The following IKZF4 variants were observed in gnomAD, a reference collection of about 807,000 sequenced individuals.
IKZF4 encodes the protein zinc finger protein Eos.
A neutral mutation model predicts 47.7 loss-of-function variants in IKZF4; 11 were observed. The observed-to-expected ratio is 0.23, with a 90% CI of 0.15 to 0.38. The LOEUF (loss-of-function observed/expected upper bound fraction) is 0.38, where lower values mean the gene tolerates loss of function less well. Among genes scored for constraint, IKZF4 ranks in the 10% least tolerant of loss-of-function variants. The pLI, the probability that IKZF4 is intolerant of heterozygous loss-of-function variation, is 1.00. For synonymous variants in IKZF4, 298 were observed against 299.4 expected (o/e 1.00, Z 0.05); for missense variants, 557 against 784.9 (o/e 0.71, Z 3.47).
chr12:56,019,607 G>C (rs901539686), upstream of IKZF4, among the ~76,000 whole-genome samples: 1 of 152,184 alleles, frequency 6.6e-6, no homozygotes, highest in African/African-American at 2.4e-5. Flanking sequence ...CTCCTGCTCA[G>C]TTAAGCCTAT....
Position 56,007,887 on chromosome 12 carries a change from G to C in IKZF4, c.-292+153G>C, listed in dbSNP as rs746616289. On this transcript the variant is annotated intron_variant, in intron 1 of 11. Coordinates refer to the IKZF4 transcript ENST00000262032. ...GAGGGTCGCGGGTTGGGCTGGGGCC[G>C]GAGGGTTGGAAGATGGCCGGGGGAG... Among the ~76,000 whole-genome samples, 338 of 152,258 alleles carry C rather than the reference G, an allele frequency of 2.2e-3. 2 individuals carry two copies. Among genetic ancestry groups the C allele is most frequent in the Non-Finnish European group, 3.6e-3 (246 of 68,014 alleles).
chr12:56,034,714 C>T lies in IKZF4; in HGVS notation c.1141C>T (p.Leu381=), dbSNP rs1895454770. 2 of 1,613,942 alleles carry T rather than the reference C, an allele frequency of 1.2e-6. No individual in the cohort carries two copies. Among genetic ancestry groups the T allele is most frequent in the Admixed American group, 1.7e-5 (1 of 60,006 alleles). The change falls in exon 8 of 8, where the codon CTG becomes TTG. Residue 381 remains leucine, a synonymous_variant. Coordinates refer to ENST00000547167, the MANE Select transcript of IKZF4 (RefSeq NM_022465.4). ...SSLAFVGAEH[L]RPLRLPPTNC... is the part of the protein sequence containing the mutation. The stretch of plus-strand genomic sequence containing the variant: ...CCTGGCCTTTGTGGGTGCAGAGCAT[C>T]TGCGTCCCCTCCGCCTTCCACCCAC...
In IKZF4 at chr12:56,025,139, T is replaced by A; in HGVS notation, c.267T>A (p.Ser89=). The change falls in exon 3 of 8, where the codon TCT becomes TCA. Residue 89 remains serine, a synonymous_variant. Coordinates refer to ENST00000547167, the MANE Select transcript of IKZF4 (RefSeq NM_022465.4). ...SVSTPNSQHS[S]PSRSLSANSI... The stretch of plus-strand genomic sequence containing the variant: ...GCACCCCCAACAGCCAGCACTCTTC[T>A]CCTAGCCGCTCACTCAGTGGTAAGT... 1 of 1,596,386 alleles carries A rather than the reference T, an allele frequency of 6.3e-7. No individual in the cohort carries two copies. The highest frequency in any genetic ancestry group is 1.1e-5 in the South Asian group (1 of 88,186).
In IKZF4 at chr12:56,028,006, C is replaced by T. The variant is rs985887002; in HGVS notation, c.715+59C>T. The stretch of plus-strand genomic sequence containing the variant: ...GCTCCAACACACCCAGTATGTAGAG[C>T]TCAGTGACTTCTCTTGTATTTGGGG... On this transcript the variant is annotated intron_variant, in intron 5 of 7. Transcript: ENST00000547167. 46 of 1,467,610 alleles carry T rather than the reference C, an allele frequency of 3.1e-5. No individual in the cohort carries two copies. The African/African-American group carries it at 5.4e-4, about 17-fold the overall frequency. 90.9% of individuals were successfully genotyped at this position (1,467,610 alleles called of 1,614,324 possible).
intron 5 of IKZF4, among the ~76,000 whole-genome samples, chr12:56,029,001 A>G (rs1028476994): frequency 6.6e-6 from 1 of 152,092 alleles, no homozygotes; most frequent in East Asian, 1.9e-4. Flanking sequence ...CACACCTGTC[A>G]TCATCTTCAC....
chr12:56,025,125 A>G lies in IKZF4; in HGVS notation c.253A>G (p.Ser85Gly), dbSNP rs375649036. 6.2e-7 allele frequency: 1 copy of G among 1,603,566 alleles called. No individual in the cohort carries two copies. The highest frequency in any genetic ancestry group is 1.3e-5 in the African/African-American group (1 of 74,494). Reference protein sequence around the residue: ...PVGPSVSTPNSQHSSPSRSLS... With the variant: ...PVGPSVSTPNGQHSSPSRSLS... ...GGGGCCCTCGGTGAGCACCCCCAAC[A>G]GCCAGCACTCTTCTCCTAGCCGCTC... is the stretch of plus-strand genomic sequence containing the variant. The change falls in exon 3 of 8, where the codon AGC becomes GGC. Residue 85 changes from serine to glycine, a missense_variant. Ser to Gly is a moderately conservative substitution (Grantham distance 56). Around this residue, in one of 6 missense-constraint regions of IKZF4, gnomAD observed 112 missense variants for 168.2 expected, o/e 0.67. Transcript: ENST00000547167.
rs760706492 is a variant in IKZF4 at position 56,023,735 on chromosome 12, AT to A, written c.156del (p.Phe52LeufsTer2). On this transcript the variant is annotated frameshift_variant, in exon 2 of 8. Transcript: ENST00000547167. LOFTEE classifies it high-confidence loss of function. The part of the protein sequence containing the change: ...DFLPQAQDSN[H>X]FIMESLFCES... ...TTGCCTCAGGCCCAAGACTCCAACC[AT>A]TTTATAATGGAATCTTTATTTTGTG... 1 of 1,613,764 alleles carries A rather than the reference AT, an allele frequency of 6.2e-7. No individual in the cohort carries two copies. Among genetic ancestry groups the A allele is most frequent in the African/African-American group, 1.3e-5 (1 of 74,918 alleles).
chr12:56,016,357 C>A (rs918400697), upstream of IKZF4, among the ~76,000 whole-genome samples: 1 of 152,034 alleles, frequency 6.6e-6, no homozygotes, highest in Non-Finnish European at 1.5e-5. Context: ...CTTGCTTCTG[C>A]CTCTGCCTCA....
chr12:56,035,473 C>T lies in IKZF4; in HGVS notation c.*142C>T. 4.1e-6 allele frequency: 3 copies of T among 727,364 alleles called. No individual in the cohort carries two copies. The highest frequency in any genetic ancestry group is 3.5e-5 in the African/African-American group (2 of 56,896). The allele number at this position is 727,364 out of a possible 1,614,324, so 45.1% of individuals were successfully genotyped here. ...ACCTCACACCTGACCCTGACCCCTC[C>T]TCACCTATTCTCTTCCTCTATCCTG... On this transcript the variant is annotated 3_prime_UTR_variant, in exon 8 of 8. Transcript: ENST00000547167. This position sits in a 1 kb window ranked among gnomAD's most constrained non-coding sequence, Gnocchi z 6.1.
At position 56,021,227 on chromosome 12, in the gene IKZF4, C is replaced by G; in HGVS notation, c.-267C>G. 2.1e-6 allele frequency: 3 copies of G among 1,445,882 alleles called. No homozygotes were observed. Among genetic ancestry groups the G allele is most frequent in the African/African-American group, 1.4e-5 (1 of 69,908 alleles). The allele number at this position is 1,445,882 out of a possible 1,614,324, so 89.6% of individuals were successfully genotyped here. A position where few individuals can be genotyped will look rare whatever the true frequency, so the allele number is the denominator to read the frequency against. ...ATATACACATATACATTCTCTCCAG[C>G]CCCCTCCCCAAGCACATCCAAGCGT... is the stretch of plus-strand genomic sequence containing the variant. On this transcript the variant is annotated 5_prime_UTR_variant, in exon 1 of 8. Transcript: ENST00000547167.
At chr12:56,030,729 CAAA>C (rs76945999) in intron 5 of IKZF4, among the ~76,000 whole-genome samples, 3 of 98,030 alleles carry the variant, frequency 3.1e-5, no homozygotes, top group Non-Finnish European at 6.5e-5. Flanking sequence ...AACTCCGTCT[CAAA>C]AAAAAAAAAA....
At position 56,033,268 on chromosome 12, in the gene IKZF4, G is replaced by C. The variant is rs779316014; in HGVS notation, c.944G>C (p.Arg315Pro). 8 of 1,613,866 alleles carry C rather than the reference G, an allele frequency of 5.0e-6. No individual in the cohort carries two copies. The highest frequency in any genetic ancestry group is 6.8e-6 in the Non-Finnish European group (8 of 1,179,886). ...SSSERPTFIDRLANSLTKRKR... is the reference protein window; with the variant it reads ...SSSERPTFIDPLANSLTKRKR... ...TCTGAGCGGCCAACTTTCATCGATC[G>C]TCTGGCCAATAGCCTCACCAAACGC... Residue 315 changes from arginine (R) to proline (P), a missense_variant, in exon 7 of 8, where the codon CGT becomes CCT. Transcript: ENST00000547167.
Position 56,021,379 on chromosome 12 carries a change from A to G in IKZF4, c.-115A>G. On this transcript the variant is annotated 5_prime_UTR_variant, in exon 1 of 8. Transcript: ENST00000547167. The stretch of plus-strand genomic sequence containing the variant: ...TGGCTGCAGCCGTGGGCCTCTGCTC[A>G]CCGTGCCGCTGCTGCTGCCTGCGAA... 1.3e-6 allele frequency: 2 copies of G among 1,547,396 alleles called. No homozygotes were observed. The highest frequency in any genetic ancestry group is 1.7e-6 in the Non-Finnish European group (2 of 1,146,690).
Position 56,021,376 on chromosome 12 carries a change from C to T in IKZF4, c.-118C>T, listed in dbSNP as rs751829672. Reference sequence around the variant, plus strand: ...TGCTGGCTGCAGCCGTGGGCCTCTGCTCACCGTGCCGCTGCTGCTGCCTGC... The same window carrying T: ...TGCTGGCTGCAGCCGTGGGCCTCTGTTCACCGTGCCGCTGCTGCTGCCTGC... On this transcript the variant is annotated 5_prime_UTR_variant, in exon 1 of 8. Transcript: ENST00000547167. 4.5e-6 allele frequency: 7 copies of T among 1,548,064 alleles called. No individual in the cohort carries two copies. The highest frequency in any genetic ancestry group is 5.2e-6 in the Non-Finnish European group (6 of 1,146,886).
At position 56,034,965 on chromosome 12, in the gene IKZF4, A is replaced by G; in HGVS notation, c.1392A>G (p.Glu464=). 6.4e-7 allele frequency: 1 copy of G among 1,565,444 alleles called. No homozygotes were observed. Among genetic ancestry groups the G allele is most frequent in the Non-Finnish European group, 8.7e-7 (1 of 1,153,368 alleles). Residue 464 remains glutamate (E), a synonymous_variant, in exon 8 of 8, where the codon GAA becomes GAG. Coordinates refer to ENST00000547167, the MANE Select transcript of IKZF4 (RefSeq NM_022465.4). ...QDSTDTESNH[E]DRVAGVVSLP... is the part of the protein sequence containing the mutation. ...CCACAGACACAGAAAGCAACCACGA[A>G]GATCGGGTTGCGGGGGTGGTATCCC...
Position 56,021,324 on chromosome 12 carries a change from C to G in IKZF4, c.-170C>G, listed in dbSNP as rs1490269200. 2.8e-6 allele frequency: 4 copies of G among 1,444,566 alleles called. No homozygotes were observed. The African/African-American group carries it at 6.1e-5, about 22-fold the overall frequency. 89.5% of individuals were successfully genotyped at this position (1,444,566 alleles called of 1,614,324 possible). A position where few individuals can be genotyped will look rare whatever the true frequency, so the allele number is the denominator to read the frequency against. On this transcript the variant is annotated 5_prime_UTR_variant, in exon 1 of 8. Coordinates refer to ENST00000547167, the MANE Select transcript of IKZF4 (RefSeq NM_022465.4). ...CACACACACACACACACACTCAACACACATACACCCTGGGCTGAGCTGCTC... is the reference window on the plus strand; with the variant it reads ...CACACACACACACACACACTCAACAGACATACACCCTGGGCTGAGCTGCTC...
In IKZF4 at chr12:56,037,002, T is replaced by A. The variant is rs534725925; in HGVS notation, c.*1671T>A. 1 of 152,286 alleles carries A rather than the reference T, an allele frequency of 6.6e-6. No individual in the cohort carries two copies. The highest frequency in any genetic ancestry group is 1.9e-4 in the East Asian group (1 of 5,178). 9.4% of individuals were successfully genotyped at this position (152,286 alleles called of 1,614,324 possible). Reference sequence around the variant, plus strand: ...TTCTCTTCCCTTCCTTCCCCTTCCATCTTTCTTTCCACATGTCCTTTCCTT... The same window carrying A: ...TTCTCTTCCCTTCCTTCCCCTTCCAACTTTCTTTCCACATGTCCTTTCCTT... On this transcript the variant is annotated 3_prime_UTR_variant, in exon 8 of 8. Coordinates refer to ENST00000547167, the MANE Select transcript of IKZF4 (RefSeq NM_022465.4).
At chr12:56,011,130 T>G (rs1350047779) in intron 1 of IKZF4, 7 of 151,260 alleles carry the variant, frequency 4.6e-5, no homozygotes, top group Non-Finnish European at 8.8e-5. Flanking sequence ...TTAAAACTGA[T>G]TATTATAAAA....
chr12:56,021,726 GT>G, intron 1 of IKZF4, 146 bp downstream of exon 1: 1 of 1,203,130 alleles, frequency 8.3e-7, no homozygotes, highest in Non-Finnish European at 1.2e-6. Flanking sequence ...GTGTGTGTGT[GT>G]GTGTAGCGGG....
Sources: allele counts gnomAD v4.1 joint callset (sites outside exome capture counted in the v4.1 genomes callset), GRCh38; gene constraint gnomAD v4.1.1; regional missense constraint gnomAD v4.1.1; non-coding constraint Gnocchi (gnomAD v3.1); transcripts MANE v1.5; gene names NCBI Gene and HGNC (gene_info 2026-07-23, HGNC 2026-07-21).